Variants in MARCHF7 observed in about 807,000 individuals in gnomAD.
MARCHF7 encodes E3 ubiquitin-protein ligase MARCHF7.
Under a neutral mutation model 76.5 loss-of-function variants are expected in MARCHF7, and 20 were observed. The ratio of observed to expected loss-of-function variants is 0.26; its 90% CI spans 0.18 to 0.38. MARCHF7 has a LOEUF of 0.38. Ranked by LOEUF, MARCHF7 falls within the 10% of genes least tolerant of loss-of-function variation. The pLI is 1.00. For synonymous variants in MARCHF7, 295 were observed against 293.0 expected, an observed-to-expected ratio of 1.01 and a Z score of -0.07; for missense variants, 797 against 812.9, an observed-to-expected ratio of 0.98 and a Z score of 0.24.
chr2:159,762,377 T>C (rs1344328737), intron 9 of MARCHF7, among the ~76,000 whole-genome samples: 1 of 152,200 alleles, frequency 6.6e-6, no homozygotes, highest in Non-Finnish European at 1.5e-5. Context: ...AAGAACTGTT[T>C]TTACCAACTA....
intron 3 of MARCHF7, among the ~76,000 whole-genome samples, chr2:159,723,207 C>T (rs1701820751): frequency 6.6e-6 from 1 of 152,034 alleles, no homozygotes; most frequent in East Asian, 1.9e-4. Context: ...AAAAAATTTC[C>T]AGTTCAGAAT....
At position 159,748,068 on chromosome 2, in the gene MARCHF7, G is replaced by C; in HGVS notation, c.778G>C (p.Val260Leu). The change falls in exon 7 of 12, where the codon GTT becomes CTT. Residue 260 changes from valine (V) to leucine (L), a missense_variant. Around this residue, in one of 3 missense-constraint regions of MARCHF7, gnomAD observed 643 missense variants for 631.5 expected, o/e 1.02. Transcript: ENST00000409175. ...CCCAATCATAAGCAATTCAGAAAGG[G>C]TTGTTTCATCTCAAAGACCATTTCA... The part of the protein sequence containing the change: ...EAPIISNSER[V>L]VSSQRPFQES... 1 of 1,614,166 alleles carries C rather than the reference G, an allele frequency of 6.2e-7. No homozygotes were observed. The highest frequency in any genetic ancestry group is 8.5e-7 in the Non-Finnish European group (1 of 1,180,030).
chr2:159,765,161 G>A (rs1707611119), intron 11 of MARCHF7, among the ~76,000 whole-genome samples: 1 of 151,714 alleles, frequency 6.6e-6, no homozygotes, highest in Non-Finnish European at 1.5e-5. Flanking sequence ...AGCCATGAAG[G>A]GCTTTGTTTT....
At chr2:159,756,602 G>T (rs371392676) in intron 8 of MARCHF7, among the ~76,000 whole-genome samples, 49 of 144,962 alleles carry the variant, frequency 3.4e-4, no homozygotes, top group Admixed American at 7.9e-4. Context: ...CAAGAGAATC[G>T]CTTGAACCCA....
At position 159,770,898 on chromosome 2, in the gene MARCHF7, T is replaced by C. The variant is rs556656771; in HGVS notation, c.*3556T>C. 5 of 152,306 alleles carry C rather than the reference T, an allele frequency of 3.3e-5. No homozygotes were observed. The South Asian group carries it at 1.0e-3, about 32-fold the overall frequency. 9.4% of individuals were successfully genotyped at this position (152,306 alleles called of 1,614,324 possible). A position where few individuals can be genotyped will look rare whatever the true frequency, so the allele number is the denominator to read the frequency against. ...GTGAAATTTATACATTCTTTATCTT[T>C]CCTGTTTTTGGTTTATTGATGGTGA... On this transcript the variant is annotated 3_prime_UTR_variant, in exon 12 of 12. Coordinates refer to ENST00000409175, the MANE Select transcript of MARCHF7 (RefSeq NM_001282805.2).
chr2:159,725,074 G>C (rs1004465499), intron 3 of MARCHF7, among the ~76,000 whole-genome samples: 1 of 152,162 alleles, frequency 6.6e-6, no homozygotes, highest in Non-Finnish European at 1.5e-5. Flanking sequence ...GCTTTATCCA[G>C]TCTATCATTG....
chr2:159,723,515 A>T (rs1432611292), intron 3 of MARCHF7, among the ~76,000 whole-genome samples: 3 of 152,176 alleles, frequency 2.0e-5, no homozygotes, highest in Non-Finnish European at 4.4e-5. Context: ...CTCTAGTCCC[A>T]CTTTGCAAAG....
chr2:159,766,451 A>ATTAAACCGTT (rs1297056232), intron 11 of MARCHF7, among the ~76,000 whole-genome samples: 2 of 152,226 alleles, frequency 1.3e-5, no homozygotes, highest in Admixed American at 6.5e-5. Context: ...AAGAGAGGGC[A>ATTAAACCGTT]TTAAACCGTT....
intron 5 of MARCHF7, among the ~76,000 whole-genome samples, chr2:159,743,948 A>C (rs1303967832): frequency 1.3e-5 from 2 of 151,176 alleles, no homozygotes; most frequent in African/African-American, 4.8e-5. Context: ...AGTTACAAAA[A>C]AATGGTGGTT....
intron 4 of MARCHF7, among the ~76,000 whole-genome samples, chr2:159,730,424 ATTC>A (rs1328488570): frequency 1.3e-5 from 2 of 152,238 alleles, no homozygotes; most frequent in African/African-American, 4.8e-5. Flanking sequence ...AGTAGTAAGC[ATTC>A]TTTAAGATAT....
Position 159,729,155 on chromosome 2 carries a change from A to T in MARCHF7, c.133A>T (p.Arg45Ter). ...CTATCACTCAAGAGACTCTTCATTT[A>T]GATTGGATTCTGAATATCAGGTAAC... is the stretch of plus-strand genomic sequence containing the variant. ...DTYHSRDSSF[R>*]LDSEYQSTSA... Residue 45 changes from arginine to a stop codon, truncating the protein, a stop_gained, in exon 4 of 12, where the codon AGA (arginine) becomes TGA (stop). Transcript: ENST00000409175. LOFTEE classifies it high-confidence loss of function. 6.2e-7 allele frequency: 1 copy of T among 1,600,944 alleles called. No homozygotes were observed. The highest frequency in any genetic ancestry group is 8.5e-7 in the Non-Finnish European group (1 of 1,175,832).
rs1308141634 is a variant in MARCHF7, at chr2:159,729,060, C to T, written c.38C>T (p.Ser13Phe). 6.2e-7 allele frequency: 1 copy of T among 1,601,798 alleles called. No individual in the cohort carries two copies. The highest frequency in any genetic ancestry group is 2.2e-5 in the East Asian group (1 of 44,636). ...CCTTCAAGGATTCCAAGAAGAATTT[C>T]TGTTCAACCTTCCAGCTCCTTAAGT... ...SKPSRIPRRI[S>F]VQPSSSLSAR... The change falls in exon 4 of 12, where the codon TCT becomes TTT. Residue 13 changes from serine to phenylalanine, a missense_variant. By Grantham distance (155) the Ser-to-Phe change is radical. This residue lies in a region of MARCHF7 where 643 missense variants were observed against 631.5 expected (regional missense o/e 1.02). Transcript: ENST00000409175.
chr2:159,756,804 TAA>T (rs1470330278), intron 8 of MARCHF7, among the ~76,000 whole-genome samples: 1 of 150,794 alleles, frequency 6.6e-6, no homozygotes, highest in East Asian at 1.9e-4. Flanking sequence ...TAATACCTCA[TAA>T]AGTTAATGAA....
chr2:159,713,997 T>A (rs1015065018), intron 1 of MARCHF7, among the ~76,000 whole-genome samples: 1 of 152,200 alleles, frequency 6.6e-6, no homozygotes, highest in Non-Finnish European at 1.5e-5. Context: ...TGATTTCTTT[T>A]TTCTGCCACC....
At position 159,759,213 on chromosome 2, in the gene MARCHF7, T is replaced by G; in HGVS notation, c.1784-13T>G. On this transcript the variant is annotated splice_polypyrimidine_tract_variant and intron_variant, in intron 8 of 11. Coordinates refer to ENST00000409175, the MANE Select transcript of MARCHF7 (RefSeq NM_001282805.2). ...ATAAAACTAAGCTTTATTTGTAATTTAATTTTTACCAGGTTCTTCATTAGA... is the reference window on the plus strand; with the variant it reads ...ATAAAACTAAGCTTTATTTGTAATTGAATTTTTACCAGGTTCTTCATTAGA... 1 of 1,456,804 alleles carries G rather than the reference T, an allele frequency of 6.9e-7. No homozygotes were observed. Among genetic ancestry groups the G allele is most frequent in the African/African-American group, 1.4e-5 (1 of 70,834 alleles). The allele number at this position is 1,456,804 out of a possible 1,614,324, so 90.2% of individuals were successfully genotyped here.
rs780777268 is a variant in MARCHF7, at chr2:159,728,991, A to G, written c.-14-18A>G. 2 of 1,503,794 alleles carry G rather than the reference A, an allele frequency of 1.3e-6. No homozygotes were observed. The highest frequency in any genetic ancestry group is 1.8e-6 in the Non-Finnish European group (2 of 1,123,070). The allele number at this position is 1,503,794 out of a possible 1,614,324, so 93.2% of individuals were successfully genotyped here. Reference sequence around the variant, plus strand: ...CATATTTTCCCAAAGGCAATTAATGAAAATTTTTATTTCACAGAAAAATCT... The same window carrying G: ...CATATTTTCCCAAAGGCAATTAATGGAAATTTTTATTTCACAGAAAAATCT... On this transcript the variant is annotated intron_variant, in intron 3 of 11. Transcript: ENST00000409175.
intron 11 of MARCHF7, among the ~76,000 whole-genome samples, chr2:159,765,289 A>G (rs930374284): frequency 6.6e-6 from 1 of 152,016 alleles, no homozygotes; most frequent in Admixed American, 6.6e-5. Flanking sequence ...TTAAGATCAC[A>G]TTCCAGCATC....
intron 3 of MARCHF7, among the ~76,000 whole-genome samples, chr2:159,726,453 G>A (rs1468262225): frequency 2.6e-5 from 4 of 152,012 alleles, no homozygotes; most frequent in Admixed American, 2.0e-4. Flanking sequence ...TAGTGGAGAC[G>A]GGGTTTCACT....
At chr2:159,730,414 A>T (rs1702647680) in intron 4 of MARCHF7, among the ~76,000 whole-genome samples, 1 of 152,240 alleles carries the variant, frequency 6.6e-6, no homozygotes, top group African/African-American at 2.4e-5. Context: ...GTTCGTACAC[A>T]GTAGTAAGCA....
Sources: allele counts gnomAD v4.1 joint callset (sites outside exome capture counted in the v4.1 genomes callset), GRCh38; gene constraint gnomAD v4.1.1; regional missense constraint gnomAD v4.1.1; transcripts MANE v1.5; gene names NCBI Gene and HGNC (gene_info 2026-07-23, HGNC 2026-07-21).